Variants in OR4K1 observed in about 807,000 individuals in gnomAD.
OR4K1 encodes olfactory receptor family 4 subfamily K member 1.
Under a neutral mutation model 14.4 loss-of-function variants are expected in OR4K1, and 16 were observed. That is an observed-to-expected ratio of 1.11 (90% confidence interval 0.75 to 1.68). The LOEUF is 1.68. OR4K1 is among the 40% of genes most tolerant of loss of function. OR4K1 has a pLI of 0.00. For synonymous variants in OR4K1, 181 were observed against 133.1 expected (o/e 1.36, Z -2.48); for missense variants, 548 against 376.9 (o/e 1.45, Z -3.76).
chr14:19,930,245 T>G (rs1241428587), upstream of OR4K1, among the ~76,000 whole-genome samples: 1 of 152,198 alleles, frequency 6.6e-6, no homozygotes, highest in Non-Finnish European at 1.5e-5. Context: ...GGTGTACACA[T>G]GCACACAGGA....
chr14:19,920,469 T>TA, the OR4K1 span: 2 of 1,100,526 alleles, frequency 1.8e-6, no homozygotes, highest in Non-Finnish European at 1.3e-6. Flanking sequence ...CTCTTCAAAA[T>TA]TTTTGCATTC....
chr14:19,923,377 G>T, the OR4K1 span, among the ~76,000 whole-genome samples: 1 of 152,124 alleles, frequency 6.6e-6, no homozygotes, highest in Admixed American at 6.5e-5. Context: ...CAGTGTCTTT[G>T]TTAGTTTATC....
At chr14:19,934,317 T>C (rs1204517148) in intron 1 of OR4K1, among the ~76,000 whole-genome samples, 1 of 152,256 alleles carries the variant, frequency 6.6e-6, no homozygotes, top group African/African-American at 2.4e-5. Context: ...ATTTACTTAC[T>C]AGTTAACTTT....
At chr14:19,920,569 T>C in the OR4K1 span, 2 of 1,561,768 alleles carry the variant, frequency 1.3e-6, no homozygotes, top group African/African-American at 1.4e-5. Context: ...TTTATCCTCC[T>C]TTAGAGTTGT....
Position 19,935,729 on chromosome 14 carries a change from G to T in OR4K1, c.63G>T (p.Trp21Cys), listed in dbSNP as rs1407164911. ...TACTTTTGGGACTCTCTAATTCCTGGGGACTTCAACTTTTCTTTTTTGCCA... is the reference window on the plus strand; with the variant it reads ...TACTTTTGGGACTCTCTAATTCCTGTGGACTTCAACTTTTCTTTTTTGCCA... Reference protein sequence around the residue: ...EFVLLGLSNSWGLQLFFFAIF... With the variant: ...EFVLLGLSNSCGLQLFFFAIF... Residue 21 changes from tryptophan to cysteine, a missense_variant, in exon 2 of 2, where the codon TGG becomes TGT. Trp to Cys is a radical substitution (Grantham distance 215). Transcript: ENST00000641172. 1 of 1,613,844 alleles carries T rather than the reference G, an allele frequency of 6.2e-7. No homozygotes were observed. Among genetic ancestry groups the T allele is most frequent in the Non-Finnish European group, 8.5e-7 (1 of 1,179,976 alleles).
upstream of OR4K1, among the ~76,000 whole-genome samples, chr14:19,928,950 T>G (rs1162094787): frequency 1.3e-5 from 2 of 152,020 alleles, no homozygotes; most frequent in Non-Finnish European, 2.9e-5. Context: ...TAATGTTGAT[T>G]GTGGGTTTTT....
chr14:19,920,516 T>C, the OR4K1 span: 1 of 1,453,860 alleles, frequency 6.9e-7, no homozygotes, highest in Non-Finnish European at 9.2e-7. Context: ...TCAGAATCCC[T>C]CACCTTAAAA....
upstream of OR4K1, among the ~76,000 whole-genome samples, chr14:19,929,155 G>C (rs1480865925): frequency 6.6e-6 from 1 of 150,962 alleles, no homozygotes; most frequent in Non-Finnish European, 1.5e-5. Context: ...TTTTATAACT[G>C]TATGCAGATA....
upstream of OR4K1, among the ~76,000 whole-genome samples, chr14:19,929,732 A>G (rs1421712949): frequency 6.6e-6 from 1 of 152,226 alleles, no homozygotes; most frequent in African/African-American, 2.4e-5. Flanking sequence ...GCCAGACAGC[A>G]CGAAAAACAG....
chr14:19,930,247 C>T (rs1356502667), upstream of OR4K1, among the ~76,000 whole-genome samples: 1 of 152,162 alleles, frequency 6.6e-6, no homozygotes, highest in African/African-American at 2.4e-5. Flanking sequence ...TGTACACATG[C>T]ACACAGGATA....
At position 19,936,210 on chromosome 14, in the gene OR4K1, C is replaced by T. The variant is rs1164133986; in HGVS notation, c.544C>T (p.Pro182Ser). 6.2e-7 allele frequency: 1 copy of T among 1,614,212 alleles called. No homozygotes were observed. The highest frequency in any genetic ancestry group is 1.1e-5 in the South Asian group (1 of 91,092). ...GGTGGATAGCTTCTTTTGTGACCTT[C>T]CCTTGGTGATAGAGCTGGCTTGCAT... ...NEVDSFFCDL[P>S]LVIELACMDT... The change falls in exon 2 of 2, where the codon CCC (proline) becomes TCC (serine). Residue 182 changes from proline to serine, a missense_variant. Pro to Ser is a moderately conservative substitution (Grantham distance 74). Coordinates refer to ENST00000641172, the MANE Select transcript of OR4K1 (RefSeq NM_001004063.3).
the OR4K1 span, chr14:19,921,604 G>C: frequency 4.4e-6 from 7 of 1,577,918 alleles, no homozygotes; most frequent in Admixed American, 1.9e-5. Context: ...AATTCCTCAG[G>C]TCAATACACT....
Position 19,935,736 on chromosome 14 carries a change from C to T in OR4K1, c.70C>T (p.Gln24Ter). Residue 24 changes from glutamine (Q) to a stop codon, truncating the protein, a stop_gained, in exon 2 of 2, where the codon CAA (glutamine) becomes TAA (stop). Coordinates refer to ENST00000641172, the MANE Select transcript of OR4K1 (RefSeq NM_001004063.3). LOFTEE classifies it high-confidence loss of function. The part of the protein sequence containing the change: ...LLGLSNSWGL[Q>*]LFFFAIFSIV... ...GGGACTCTCTAATTCCTGGGGACTT[C>T]AACTTTTCTTTTTTGCCATCTTCTC... The T allele has an allele frequency of 6.2e-7, 1 of 1,613,760 alleles. No homozygotes were observed. Among genetic ancestry groups the T allele is most frequent in the Non-Finnish European group, 8.5e-7 (1 of 1,179,824 alleles).
chr14:19,925,776 C>T, the OR4K1 span, among the ~76,000 whole-genome samples: 1 of 152,222 alleles, frequency 6.6e-6, no homozygotes. Context: ...GAGAGTACCC[C>T]AAAAGGCCAA....
At position 19,932,271 on chromosome 14, in the gene OR4K1, T is replaced by G. The variant is rs114453400; in HGVS notation, c.-20+1126T>G. ...TAATTCCACTAACATTATTTAACAATTTTTTGTTAATCATGTTTCATTCTC... is the reference window on the plus strand; with the variant it reads ...TAATTCCACTAACATTATTTAACAAGTTTTTGTTAATCATGTTTCATTCTC... On this transcript the variant is annotated intron_variant, in intron 1 of 1. Coordinates refer to ENST00000641172, the MANE Select transcript of OR4K1 (RefSeq NM_001004063.3). 2.7e-3 allele frequency among the ~76,000 whole-genome samples: 414 copies of G among 152,326 alleles called. 2 individuals carry two copies. The highest frequency in any genetic ancestry group is 9.5e-3 in the African/African-American group (393 of 41,558).
upstream of OR4K1, among the ~76,000 whole-genome samples, chr14:19,929,421 A>G (rs996445068): frequency 2.0e-5 from 3 of 150,076 alleles, no homozygotes; most frequent in Non-Finnish European, 4.4e-5. Flanking sequence ...GGGGGGAGAG[A>G]GAGAGAGACA....
intron 1 of OR4K1, 24 bp downstream of exon 1, chr14:19,931,169 A>G (rs562220909): frequency 3.3e-5 from 5 of 152,288 alleles, no homozygotes; most frequent in Non-Finnish European, 5.9e-5. Context: ...ATTCATTGTG[A>G]ACATATTGTT....
At chr14:19,920,760 G>A in the OR4K1 span, 1 of 1,614,148 alleles carries the variant, frequency 6.2e-7, no homozygotes, top group Non-Finnish European at 8.5e-7. Flanking sequence ...AGTGACTTCT[G>A]ATACCAGCCT....
the OR4K1 span, chr14:19,920,906 A>T: frequency 6.2e-7 from 1 of 1,614,158 alleles, no homozygotes; most frequent in Non-Finnish European, 8.5e-7. Flanking sequence ...GCATAGCCCA[A>T]ATTTTCTTTA....
Sources: allele counts gnomAD v4.1 joint callset (sites outside exome capture counted in the v4.1 genomes callset), GRCh38; gene constraint gnomAD v4.1.1; transcripts MANE v1.5; gene names NCBI Gene and HGNC (gene_info 2026-07-23, HGNC 2026-07-21).